KIAA0319: variants seen among roughly 807,000 people sequenced by gnomAD.
The protein encoded by KIAA0319 is dyslexia-associated protein KIAA0319.
A neutral mutation model predicts 108.4 loss-of-function variants in KIAA0319; 83 were observed. The observed-to-expected ratio is 0.77, with a 90% CI of 0.64 to 0.92. The LOEUF is 0.92. Ranked by LOEUF, KIAA0319 falls within the 40% of genes least tolerant of loss-of-function variation. KIAA0319 has a pLI of 0.00. For missense variants in KIAA0319, 1,195 were observed against 1,322.4 expected, an observed-to-expected ratio of 0.90 and a Z score of 1.49; for synonymous variants, 484 against 510.4, an observed-to-expected ratio of 0.95 and a Z score of 0.70.
intron 1 of KIAA0319, among the ~76,000 whole-genome samples, chr6:24,640,466 T>C (rs1385123485): frequency 6.6e-6 from 1 of 152,124 alleles, no homozygotes; most frequent in East Asian, 1.9e-4. Context: ...GGGTGTAATG[T>C]AGAATAGGTG....
chr6:24,578,263 G>C lies in KIAA0319; in HGVS notation c.1373-21C>G, dbSNP rs1293745744. ...ACTTTCTACAAGATTAAGAAATAAA[G>C]ACAAGAATGAAATACAAGAAGAGGA... On this transcript the variant is annotated intron_variant, in intron 8 of 20. Transcript: ENST00000378214. 5.2e-6 allele frequency: 8 copies of C among 1,532,740 alleles called. No homozygotes were observed. The African/African-American group carries it at 6.9e-5, about 13-fold the overall frequency. The allele number at this position is 1,532,740 out of a possible 1,614,324, so 94.9% of individuals were successfully genotyped here.
chr6:24,559,052 C>T lies in KIAA0319; in HGVS notation c.2695G>A (p.Asp899Asn). ...LHMRLSKEKA[D>N]FLLFKVLRVD... ...CTCAAGACCTTGAAAAGCAAGAAGT[C>T]AGCCTTCTCCTTTGAGAGCCGCATG... Residue 899 changes from aspartate (D) to asparagine (N), a missense_variant, in exon 17 of 21, where the codon GAC becomes AAC. By Grantham distance (23) the Asp-to-Asn change is conservative. Coordinates refer to ENST00000378214, the MANE Select transcript of KIAA0319 (RefSeq NM_014809.4). 6.2e-7 allele frequency: 1 copy of T among 1,613,100 alleles called. No individual in the cohort carries two copies. The highest frequency in any genetic ancestry group is 8.5e-7 in the Non-Finnish European group (1 of 1,179,688).
At chr6:24,540,650 C>CTTCTTTTTT (rs35244025), downstream of KIAA0319, among the ~76,000 whole-genome samples, 2 of 146,704 alleles carry the variant, frequency 1.4e-5, no homozygotes, top group Non-Finnish European at 3.0e-5. Flanking sequence ...GACTTTGTTT[C>CTTCTTTTTT]TTTTTTTTTT....
intron 4 of KIAA0319, among the ~76,000 whole-genome samples, chr6:24,587,213 C>T (rs1767641122): frequency 6.6e-6 from 1 of 152,164 alleles, no homozygotes; most frequent in Non-Finnish European, 1.5e-5. Flanking sequence ...TCTCTGCAAC[C>T]ATTCACCATA....
chr6:24,616,117 G>A (rs1241277719), intron 1 of KIAA0319, among the ~76,000 whole-genome samples: 1 of 152,130 alleles, frequency 6.6e-6, no homozygotes, highest in Non-Finnish European at 1.5e-5. Context: ...TAAAGACTCT[G>A]TTGTATGTTG....
At chr6:24,634,427 T>C (rs1775953337) in intron 1 of KIAA0319, among the ~76,000 whole-genome samples, 1 of 152,230 alleles carries the variant, frequency 6.6e-6, no homozygotes, top group Non-Finnish European at 1.5e-5. Flanking sequence ...ACAAGTAATA[T>C]TTCCAGATCT....
intron 16 of KIAA0319, among the ~76,000 whole-genome samples, chr6:24,562,490 T>C (rs1452719052): frequency 6.6e-6 from 1 of 152,188 alleles, no homozygotes; most frequent in Non-Finnish European, 1.5e-5. Context: ...TGGGTTTTCA[T>C]TCCCATATTC....
chr6:24,611,671 C>A (rs953997120), intron 1 of KIAA0319, among the ~76,000 whole-genome samples: 7 of 152,118 alleles, frequency 4.6e-5, no homozygotes, highest in Non-Finnish European at 1.0e-4. Context: ...CATAAGAGAA[C>A]TTTCAAATTA....
intron 1 of KIAA0319, among the ~76,000 whole-genome samples, chr6:24,603,234 C>T (rs1462471140): frequency 6.6e-6 from 1 of 152,086 alleles, no homozygotes; most frequent in Non-Finnish European, 1.5e-5. Flanking sequence ...TCACCACAAC[C>T]CAGACATATT....
At chr6:24,629,283 AGGAG>A in intron 1 of KIAA0319, among the ~76,000 whole-genome samples, 1 of 152,202 alleles carries the variant, frequency 6.6e-6, no homozygotes, top group African/African-American at 2.4e-5. Context: ...TGGGATGCCA[AGGAG>A]GGAGGATCAC....
chr6:24,630,698 T>TAC (rs754463905), intron 1 of KIAA0319, among the ~76,000 whole-genome samples: 1,210 of 79,030 alleles, frequency 0.015, 15 homozygotes, highest in East Asian at 0.088. Flanking sequence ...TATATATATA[T>TAC]ATATACACAT....
At chr6:24,618,296 G>A (rs1007582552) in intron 1 of KIAA0319, among the ~76,000 whole-genome samples, 5 of 151,972 alleles carry the variant, frequency 3.3e-5, no homozygotes, top group Admixed American at 6.6e-5. Context: ...AGAGAACCTA[G>A]ACAAACCAGA....
At chr6:24,578,064 A>C in intron 9 of KIAA0319, 46 bp downstream of exon 9, 1 of 1,542,910 alleles carries the variant, frequency 6.5e-7, no homozygotes. Context: ...AGAAACAGTC[A>C]AAATGTAAGT....
intron 16 of KIAA0319, among the ~76,000 whole-genome samples, chr6:24,561,103 T>C (rs921099880): frequency 2.0e-5 from 3 of 152,272 alleles, no homozygotes; most frequent in Non-Finnish European, 2.9e-5. Flanking sequence ...CACTTGGTTA[T>C]GGTCTATAAA....
chr6:24,551,439 T>C lies in KIAA0319; in HGVS notation c.3035A>G (p.Lys1012Arg), dbSNP rs1761489834. 2 of 1,606,696 alleles carry C rather than the reference T, an allele frequency of 1.2e-6. No individual in the cohort carries two copies. The highest frequency in any genetic ancestry group is 1.1e-5 in the South Asian group (1 of 90,952). The change falls in exon 20 of 21, where the codon AAA becomes AGA. Residue 1012 changes from lysine to arginine, a missense_variant. By Grantham distance (26) the Lys-to-Arg change is conservative. Transcript: ENST00000378214. The part of the protein sequence containing the change: ...DEQERMELRP[K>R]YGIKHRSTEH... ...CATTCTGCAGACTGTCTTACCATAT[T>C]TGGGCCTCAGTTCCATTCTTTCCTG...
intron 3 of KIAA0319, among the ~76,000 whole-genome samples, chr6:24,593,059 A>T (rs528613777): frequency 1.4e-4 from 21 of 152,312 alleles, no homozygotes; most frequent in Non-Finnish European, 2.5e-4. Context: ...TCATTCTTGT[A>T]TTTGAGCTAT....
At chr6:24,601,708 A>C (rs538108277) in intron 1 of KIAA0319, among the ~76,000 whole-genome samples, 13 of 152,346 alleles carry the variant, frequency 8.5e-5, no homozygotes, top group African/African-American at 2.9e-4. Context: ...CAAAGTTGGA[A>C]GAAGGGATAA....
chr6:24,557,312 G>C (rs978941336), intron 17 of KIAA0319, among the ~76,000 whole-genome samples: 5 of 152,054 alleles, frequency 3.3e-5, no homozygotes, highest in African/African-American at 1.2e-4. Flanking sequence ...GACCAGCCTG[G>C]CCAATATAGC....
chr6:24,595,419 C>T (rs191780436), intron 3 of KIAA0319, among the ~76,000 whole-genome samples: 2 of 151,798 alleles, frequency 1.3e-5, no homozygotes, highest in East Asian at 1.9e-4. Flanking sequence ...TGGTGATGGG[C>T]GCCTATAGTC....
Sources: allele counts gnomAD v4.1 joint callset (sites outside exome capture counted in the v4.1 genomes callset), GRCh38; gene constraint gnomAD v4.1.1; transcripts MANE v1.5; gene names NCBI Gene and HGNC (gene_info 2026-07-23, HGNC 2026-07-21).